Variants in LINC01488 observed in about 807,000 individuals in gnomAD.
LINC01488 encodes the protein CCND1-upstream intergenic DNA repair 1.
chr11:69,487,302 G>A lies in LINC01488; in HGVS notation n.123-3193G>A, dbSNP rs535899390. On this transcript the variant is annotated intron_variant and non_coding_transcript_variant, in intron 1 of 3. Coordinates refer to ENST00000644563, the Ensembl canonical transcript of LINC01488. ...GAGAGCCAGCTGGACAGGGTGGGAC[G>A]GCATGGGAAGGAGAGGGAGCCCCGT... Among the ~76,000 whole-genome samples, 10 of 152,320 alleles carry A rather than the reference G, an allele frequency of 6.6e-5. No individual in the cohort carries two copies. The East Asian group carries it at 1.5e-3, about 24-fold the overall frequency.
intron 1 of LINC01488, among the ~76,000 whole-genome samples, chr11:69,488,564 C>T (rs987033235): frequency 3.3e-5 from 5 of 152,262 alleles, no homozygotes; most frequent in Non-Finnish European, 7.3e-5. Flanking sequence ...CTGGAGAAGG[C>T]CCTGCTGGGC....
At chr11:69,487,769 G>T (rs568700470) in intron 1 of LINC01488, 7 of 152,270 alleles carry the variant, frequency 4.6e-5, no homozygotes, top group African/African-American at 1.7e-4. Flanking sequence ...CTGGAGGCAG[G>T]TCCTGGCTCA....
exon 4 of LINC01488, chr11:69,492,422 T>A (rs1390548555): frequency 6.6e-6 from 1 of 152,332 alleles, no homozygotes; most frequent in Non-Finnish European, 1.5e-5. Context: ...GGCCCTGGAC[T>A]GTCTGGCGGG....
chr11:69,482,770 C>A (rs998250629), intron 1 of LINC01488, among the ~76,000 whole-genome samples: 18 of 152,174 alleles, frequency 1.2e-4, no homozygotes, highest in African/African-American at 3.9e-4. Flanking sequence ...CTTCTTTCAC[C>A]GTCCTGGAGG....
chr11:69,485,609 G>A (rs895147027), intron 1 of LINC01488: 2 of 152,526 alleles, frequency 1.3e-5, no homozygotes, highest in African/African-American at 2.4e-5. Context: ...TGGGGGATGG[G>A]GCTGGCCCCA....
intron 2 of LINC01488, chr11:69,490,838 A>T (rs1590872750): frequency 2.0e-5 from 3 of 151,254 alleles, no homozygotes; most frequent in African/African-American, 7.3e-5. Context: ...GCTTAGCCCC[A>T]CCTCCCTTTC....
rs1202064644 is a variant in LINC01488 at position 69,482,547 on chromosome 11, A to G, written n.122+764A>G. Among the ~76,000 whole-genome samples, 8 of 141,200 alleles carry G rather than the reference A, an allele frequency of 5.7e-5. No individual in the cohort carries two copies. The South Asian group carries it at 1.1e-3, about 19-fold the overall frequency. The allele number at this position is 141,200 out of a possible 152,430, so 92.6% of individuals were successfully genotyped here. A position where few individuals can be genotyped will look rare whatever the true frequency, so the allele number is the denominator to read the frequency against. On this transcript the variant is annotated intron_variant and non_coding_transcript_variant, in intron 1 of 3. Transcript: ENST00000644563. ...GGATGAATGGATGGATGATGAGTGG[A>G]TGGATGAGTAGGTGGATGGATGAGT...
chr11:69,484,468 C>G (rs1357861875), intron 1 of LINC01488, among the ~76,000 whole-genome samples: 1 of 152,178 alleles, frequency 6.6e-6, no homozygotes, highest in East Asian at 1.9e-4. Context: ...AATGATGTCC[C>G]AAGGGAGCCC....
intron 1 of LINC01488, among the ~76,000 whole-genome samples, chr11:69,489,682 G>T (rs555479586): frequency 1.3e-5 from 2 of 152,248 alleles, no homozygotes; most frequent in African/African-American, 4.8e-5. Flanking sequence ...AGGCTCCCCC[G>T]CAGGGACAGG....
chr11:69,487,531 G>A (rs2134970965), intron 1 of LINC01488, among the ~76,000 whole-genome samples: 1 of 152,348 alleles, frequency 6.6e-6, no homozygotes, highest in Non-Finnish European at 1.5e-5. Flanking sequence ...CTCAGGAAGG[G>A]GCCGTGTGGT....
exon 3 of LINC01488, chr11:69,491,439 T>G (rs1217516545): frequency 6.6e-6 from 1 of 152,178 alleles, no homozygotes; most frequent in Admixed American, 6.5e-5. Context: ...CAACATTTGC[T>G]TAGTAAGTGA....
exon 1 of LINC01488, chr11:69,481,720 T>G (rs1405872598): frequency 6.6e-6 from 1 of 152,334 alleles, no homozygotes; most frequent in East Asian, 1.9e-4. Flanking sequence ...AGAGGACACC[T>G]GCCCTGAGGA....
At chr11:69,487,048 G>T (rs1425366427) in intron 1 of LINC01488, among the ~76,000 whole-genome samples, 2 of 152,234 alleles carry the variant, frequency 1.3e-5, no homozygotes, top group African/African-American at 2.4e-5. Context: ...CTGCCAGCGC[G>T]GCCCAGCCAA....
intron 1 of LINC01488, among the ~76,000 whole-genome samples, chr11:69,482,929 G>A (rs12277876): frequency 1.1e-3 from 173 of 152,260 alleles, no homozygotes; most frequent in African/African-American, 4.0e-3. Context: ...CAGTCATATT[G>A]AATGAGGACC....
intron 1 of LINC01488, among the ~76,000 whole-genome samples, chr11:69,487,656 G>A (rs1035179943): frequency 1.3e-5 from 2 of 152,174 alleles, no homozygotes; most frequent in African/African-American, 4.8e-5. Context: ...GTTTTAAGGG[G>A]ACCAGTGTGG....
chr11:69,485,844 GTGGTCC>G (rs1857106573), intron 1 of LINC01488: 1 of 152,286 alleles, frequency 6.6e-6, no homozygotes, highest in Non-Finnish European at 1.5e-5. Context: ...CAGGGCTCCC[GTGGTCC>G]TGCCTGCAGG....
intron 1 of LINC01488, among the ~76,000 whole-genome samples, chr11:69,485,438 A>G (rs995094502): frequency 1.3e-5 from 2 of 152,230 alleles, no homozygotes; most frequent in Non-Finnish European, 2.9e-5. Context: ...CAGAAGAACC[A>G]GGGGAAGCTC....
chr11:69,487,549 T>A (rs1016704030), intron 1 of LINC01488, among the ~76,000 whole-genome samples: 1 of 152,172 alleles, frequency 6.6e-6, no homozygotes, highest in African/African-American at 2.4e-5. Context: ...GGTGTCCACG[T>A]GTGCTGGCCC....
In LINC01488 at chr11:69,487,069, C is replaced by T. The variant is rs140465383; in HGVS notation, n.123-3426C>T. Among the ~76,000 whole-genome samples the T allele has an allele frequency of 5.9e-4, 90 of 152,366 alleles. 1 individual carries two copies. The highest frequency in any genetic ancestry group is 1.4e-3 in the East Asian group (7 of 5,180). On this transcript the variant is annotated intron_variant and non_coding_transcript_variant, in intron 1 of 3. Coordinates refer to ENST00000644563, the Ensembl canonical transcript of LINC01488. ...GCGCGGCCCAGCCAAGGCTTGCAAG[C>T]GCATTCCCAGGTGGCCTGGGGCGGC...
Sources: allele counts gnomAD v4.1 joint callset (sites outside exome capture counted in the v4.1 genomes callset), GRCh38; gene constraint gnomAD v4.1.1; transcripts MANE v1.5; gene names NCBI Gene and HGNC (gene_info 2026-07-23, HGNC 2026-07-21).